MYO1D: variants seen among roughly 807,000 people sequenced by gnomAD.
The protein encoded by MYO1D is unconventional myosin-Id.
Under a neutral mutation model 122.0 loss-of-function variants are expected in MYO1D, and 83 were observed. That is an observed-to-expected ratio of 0.68 (90% confidence interval 0.57 to 0.82). The LOEUF (loss-of-function observed/expected upper bound fraction) is 0.82, where lower values mean the gene tolerates loss of function less well. Among genes scored for constraint, MYO1D ranks in the 40% least tolerant of loss-of-function variants. The probability of loss-of-function intolerance (pLI) is 0.00; values close to 1 mark genes in which losing one functional copy is unlikely to be tolerated. For missense variants in MYO1D, 1,157 were observed against 1,269.5 expected (o/e 0.91, Z 1.35); for synonymous variants, 464 against 446.9 (o/e 1.04, Z -0.48).
intron 21 of MYO1D, among the ~76,000 whole-genome samples, chr17:32,561,688 CAAAAAAA>C (rs60531756): frequency 2.8e-5 from 2 of 71,786 alleles, no homozygotes; most frequent in African/African-American, 1.1e-4. Context: ...GGCTCTGTCT[CAAAAAAA>C]AAAAAAAAAA....
At chr17:32,514,177 T>C (rs1053631813) in intron 21 of MYO1D, among the ~76,000 whole-genome samples, 2 of 139,318 alleles carry the variant, frequency 1.4e-5, no homozygotes, top group Non-Finnish European at 3.0e-5. Context: ...CAGGTAGAGA[T>C]TGTAGTCAGC....
intron 1 of MYO1D, among the ~76,000 whole-genome samples, chr17:32,868,685 A>T (rs1314573421): frequency 6.6e-6 from 1 of 152,134 alleles, no homozygotes; most frequent in Non-Finnish European, 1.5e-5. Flanking sequence ...CACTTGCTGA[A>T]CATGTGATTT....
chr17:32,577,637 A>C (rs1464073764), intron 21 of MYO1D, among the ~76,000 whole-genome samples: 4 of 126,716 alleles, frequency 3.2e-5, no homozygotes, highest in South Asian at 2.4e-4. Context: ...TCTAGTCACA[A>C]AAAAAAAAGA....
chr17:32,707,286 A>G (rs1379068487), intron 16 of MYO1D, among the ~76,000 whole-genome samples: 1 of 152,210 alleles, frequency 6.6e-6, no homozygotes, highest in Non-Finnish European at 1.5e-5. Context: ...ACTCAAGGGT[A>G]GTCATGGAAA....
intron 16 of MYO1D, among the ~76,000 whole-genome samples, chr17:32,705,569 C>G (rs1175568296): frequency 6.6e-6 from 1 of 152,186 alleles, no homozygotes; most frequent in Non-Finnish European, 1.5e-5. Flanking sequence ...GGCCGATTAT[C>G]TGTAATTCTT....
intron 14 of MYO1D, among the ~76,000 whole-genome samples, chr17:32,728,900 A>G (rs966253856): frequency 1.3e-5 from 2 of 152,222 alleles, no homozygotes; most frequent in South Asian, 2.1e-4. Context: ...CTAACAACCA[A>G]CTAAGAAATG....
chr17:32,734,744 T>G (rs1182476458), intron 14 of MYO1D: 1 of 152,150 alleles, frequency 6.6e-6, no homozygotes, highest in Non-Finnish European at 1.5e-5. Flanking sequence ...GCTTTGAAGA[T>G]GAAAACTGTA....
chr17:32,738,264 G>C lies in MYO1D; in HGVS notation c.1735C>G (p.Leu579Val). 6.2e-7 allele frequency: 1 copy of C among 1,601,068 alleles called. No individual in the cohort carries two copies. ...AAGAAAATAATTACCTTTGATGCAAGGTTGTCTACTAGAGCAATCATAGAA... is the reference window on the plus strand; with the variant it reads ...AAGAAAATAATTACCTTTGATGCAACGTTGTCTACTAGAGCAATCATAGAA... Reference protein sequence around the residue: ...KNSMIALVDNLASKEPYYVRC... With the variant: ...KNSMIALVDNVASKEPYYVRC... The change falls in exon 14 of 22, where the codon CTT (leucine) becomes GTT (valine). Residue 579 changes from leucine to valine, a missense_variant. Coordinates refer to ENST00000318217, the MANE Select transcript of MYO1D (RefSeq NM_015194.3).
intron 14 of MYO1D, among the ~76,000 whole-genome samples, chr17:32,726,795 T>TA (rs1347330881): frequency 6.6e-6 from 1 of 151,346 alleles, no homozygotes; most frequent in Non-Finnish European, 1.5e-5. Flanking sequence ...GGTATATAAT[T>TA]AAAATACATG....
At chr17:32,565,336 C>G (rs372501) in intron 21 of MYO1D, among the ~76,000 whole-genome samples, 6 of 152,018 alleles carry the variant, frequency 3.9e-5, no homozygotes, top group African/African-American at 1.5e-4. Flanking sequence ...AAAAACTGCT[C>G]CTTTAAGATA....
intron 13 of MYO1D, among the ~76,000 whole-genome samples, chr17:32,744,668 A>G (rs1409004598): frequency 6.6e-6 from 1 of 152,232 alleles, no homozygotes; most frequent in African/African-American, 2.4e-5. Context: ...TTCTTTTTAA[A>G]GTATCCATAC....
intron 14 of MYO1D, among the ~76,000 whole-genome samples, chr17:32,725,413 C>T (rs1157938871): frequency 2.0e-5 from 3 of 151,888 alleles, no homozygotes; most frequent in African/African-American, 7.3e-5. Context: ...CCAGTTTACT[C>T]AGGAGGCTGA....
chr17:32,554,994 G>A (rs2087055707), intron 21 of MYO1D, among the ~76,000 whole-genome samples: 1 of 152,044 alleles, frequency 6.6e-6, no homozygotes, highest in Non-Finnish European at 1.5e-5. Context: ...TGTACGAAAA[G>A]CCTTAAAAAA....
At chr17:32,747,054 T>C (rs2089845429) in intron 12 of MYO1D, among the ~76,000 whole-genome samples, 1 of 152,138 alleles carries the variant, frequency 6.6e-6, no homozygotes, top group Non-Finnish European at 1.5e-5. Context: ...CTCTTCAGTA[T>C]TATGGAACCT....
chr17:32,551,262 C>T (rs867638028), intron 21 of MYO1D, among the ~76,000 whole-genome samples: 25 of 152,128 alleles, frequency 1.6e-4, no homozygotes, highest in Admixed American at 1.3e-4. Flanking sequence ...GCAGTGCATG[C>T]TCAGATCATA....
At chr17:32,801,904 C>T (rs765281532) in intron 1 of MYO1D, among the ~76,000 whole-genome samples, 1 of 152,208 alleles carries the variant, frequency 6.6e-6, no homozygotes, top group Non-Finnish European at 1.5e-5. Flanking sequence ...GAAGTTCTCA[C>T]AGAATGACAG....
chr17:32,872,173 G>C (rs1429763614), intron 1 of MYO1D, among the ~76,000 whole-genome samples: 1 of 152,214 alleles, frequency 6.6e-6, no homozygotes, highest in East Asian at 1.9e-4. Context: ...GGGAAAGAAG[G>C]AGCCCTCACA....
chr17:32,548,050 T>C lies in MYO1D; in HGVS notation c.2865-53135A>G, dbSNP rs187165342. Among the ~76,000 whole-genome samples the C allele has an allele frequency of 1.3e-4, 20 of 152,330 alleles. No homozygotes were observed. In the East Asian group the frequency reaches 1.9e-3, roughly 15 times the overall value. On this transcript the variant is annotated intron_variant, in intron 21 of 21. Coordinates refer to ENST00000318217, the MANE Select transcript of MYO1D (RefSeq NM_015194.3). ...TAACATGACGAGAGAGCACTCATCA[T>C]TGCAGTTGCTATAGAACCCTAAGCC...
intron 15 of MYO1D, among the ~76,000 whole-genome samples, chr17:32,718,014 C>A (rs2089467631): frequency 6.6e-6 from 1 of 152,046 alleles, no homozygotes; most frequent in Non-Finnish European, 1.5e-5. Context: ...TGCGGCTAGA[C>A]CTTTGTTTAA....
Sources: allele counts gnomAD v4.1 joint callset (sites outside exome capture counted in the v4.1 genomes callset), GRCh38; gene constraint gnomAD v4.1.1; transcripts MANE v1.5; gene names NCBI Gene and HGNC (gene_info 2026-07-23, HGNC 2026-07-21).